NCOA2: variants seen among roughly 807,000 people sequenced by gnomAD.
NCOA2 encodes nuclear receptor coactivator 2, also known as class E basic helix-loop-helix protein 75.
A neutral mutation model predicts 145.1 loss-of-function variants in NCOA2; 21 were observed. The observed-to-expected ratio is 0.14, with a 90% CI of 0.10 to 0.21. The LOEUF is 0.21. Ranked by LOEUF, NCOA2 falls within the 10% of genes least tolerant of loss-of-function variation. The pLI, the probability that NCOA2 is intolerant of heterozygous loss-of-function variation, is 1.00. For missense variants in NCOA2, 1,472 were observed against 1,837.6 expected (o/e 0.80, Z 3.64); for synonymous variants, 619 against 637.5 (o/e 0.97, Z 0.44).
At chr8:70,250,382 G>C (rs915235260) in intron 2 of NCOA2, among the ~76,000 whole-genome samples, 1 of 119,040 alleles carries the variant, frequency 8.4e-6, no homozygotes, top group Non-Finnish European at 1.7e-5. Flanking sequence ...GACAGAGTGA[G>C]ACCCTGTCTC....
At chr8:70,210,750 T>C (rs1375861585) in intron 4 of NCOA2, among the ~76,000 whole-genome samples, 1 of 152,202 alleles carries the variant, frequency 6.6e-6, no homozygotes, top group African/African-American at 2.4e-5. Flanking sequence ...CTTCTGACAC[T>C]GGAGCAGGGT....
intron 2 of NCOA2, among the ~76,000 whole-genome samples, chr8:70,251,325 G>A (rs554480616): frequency 7.0e-4 from 106 of 152,292 alleles, no homozygotes; most frequent in African/African-American, 2.5e-3. Context: ...GAGGGCTGAG[G>A]AGAAGGACTA....
chr8:70,224,874 T>C (rs1820473994), intron 2 of NCOA2, among the ~76,000 whole-genome samples: 1 of 151,992 alleles, frequency 6.6e-6, no homozygotes, highest in South Asian at 2.1e-4. Flanking sequence ...TTGGTAGGCA[T>C]ACAATATCAT....
chr8:70,192,509 C>T lies in NCOA2; in HGVS notation c.260-17650G>A, dbSNP rs975421247. Among the ~76,000 whole-genome samples the T allele has an allele frequency of 3.3e-5, 5 of 152,254 alleles. No individual in the cohort carries two copies. The East Asian group carries it at 5.8e-4, about 18-fold the overall frequency. ...TGTGACTGGACAACCCCACCACCCA[C>T]GGGCCTGCCCCTCTGCTCCTAAGAG... On this transcript the variant is annotated intron_variant, in intron 4 of 22. Transcript: ENST00000452400.
At chr8:70,128,395 G>A in intron 18 of NCOA2, 38 bp downstream of exon 18, 3 of 1,545,368 alleles carry the variant, frequency 1.9e-6, no homozygotes, top group Non-Finnish European at 2.7e-6. Flanking sequence ...GCAGCTGCAT[G>A]CATACAATGA....
chr8:70,316,004 G>A (rs1015034037), intron 1 of NCOA2, among the ~76,000 whole-genome samples: 102 of 152,138 alleles, frequency 6.7e-4, no homozygotes, highest in Admixed American at 6.7e-3. Context: ...AATTCCTAAA[G>A]GAACACTGCT....
At chr8:70,454,372 G>A in the NCOA2 span, among the ~76,000 whole-genome samples, 1 of 152,196 alleles carries the variant, frequency 6.6e-6, no homozygotes, top group African/African-American at 2.4e-5. Flanking sequence ...TAGCAATTGT[G>A]CAAAGAACGG....
chr8:70,454,009 A>T, the NCOA2 span, among the ~76,000 whole-genome samples: 185 of 152,350 alleles, frequency 1.2e-3, no homozygotes, highest in African/African-American at 4.3e-3. Context: ...AGTAACTCTC[A>T]TTTTGACAAA....
chr8:70,413,383 T>G, the NCOA2 span, among the ~76,000 whole-genome samples: 3 of 152,200 alleles, frequency 2.0e-5, no homozygotes, highest in African/African-American at 7.2e-5. Flanking sequence ...CCTACATTTT[T>G]AAGATTCCAT....
chr8:70,244,523 C>T (rs1211007219), intron 2 of NCOA2, among the ~76,000 whole-genome samples: 1 of 151,876 alleles, frequency 6.6e-6, no homozygotes, highest in Non-Finnish European at 1.5e-5. Context: ...TGAATCAAGG[C>T]CTCCACCAAA....
chr8:70,124,705 C>T lies in NCOA2; in HGVS notation c.4077G>A (p.Gly1359=), dbSNP rs111988675. The change falls in exon 20 of 23, where the codon GGG becomes GGA. Residue 1359 remains glycine, a synonymous_variant. Coordinates refer to ENST00000452400, the MANE Select transcript of NCOA2 (RefSeq NM_006540.4). ...GCGGTTACCTGTTTCCGCCCATGTT[C>T]CCCTGCGCCCATCCATTTATGTCGG... ...APSDINGWAQ[G]NMGGNSMFSQ... 3.7e-5 allele frequency: 60 copies of T among 1,609,470 alleles called. 1 individual carries two copies. In the African/African-American group the frequency reaches 5.0e-4, roughly 13 times the overall value.
At chr8:70,166,868 T>C (rs1813675046) in intron 6 of NCOA2, 114 bp from the exon 7 acceptor site, 1 of 952,728 alleles carries the variant, frequency 1.0e-6, no homozygotes, top group African/African-American at 1.6e-5. Flanking sequence ...TATGTACTAC[T>C]TTTATACTTG....
chr8:70,408,742 G>C (rs1213139220), upstream of NCOA2, among the ~76,000 whole-genome samples: 1 of 149,302 alleles, frequency 6.7e-6, no homozygotes, highest in African/African-American at 2.5e-5. Context: ...CTCCCTAATA[G>C]TCAGGAATAC....
chr8:70,360,913 G>A (rs1056185096), intron 1 of NCOA2, among the ~76,000 whole-genome samples: 26 of 150,318 alleles, frequency 1.7e-4, no homozygotes, highest in Non-Finnish European at 2.8e-4. Context: ...ACTCCAGCCT[G>A]GGTGACAGAG....
chr8:70,325,707 A>G (rs1806496567), intron 1 of NCOA2, among the ~76,000 whole-genome samples: 1 of 152,194 alleles, frequency 6.6e-6, no homozygotes, highest in South Asian at 2.1e-4. Context: ...CTGGCTGAAA[A>G]TAACATCTTA....
At chr8:70,306,768 A>G (rs148141600) in intron 1 of NCOA2, among the ~76,000 whole-genome samples, 6 of 152,268 alleles carry the variant, frequency 3.9e-5, no homozygotes, top group Admixed American at 2.0e-4. Context: ...AGTCCCAGCT[A>G]CTTGAGGGGC....
At chr8:70,432,769 C>A in the NCOA2 span, among the ~76,000 whole-genome samples, 1 of 152,018 alleles carries the variant, frequency 6.6e-6, no homozygotes, top group Non-Finnish European at 1.5e-5. Context: ...AATAAAAATT[C>A]TTTTTAATGG....
chr8:70,292,111 T>C (rs1826739760), intron 2 of NCOA2, among the ~76,000 whole-genome samples: 2 of 150,974 alleles, frequency 1.3e-5, no homozygotes, highest in Non-Finnish European at 3.0e-5. Context: ...GGGAGACATA[T>C]AATTCAGAAA....
chr8:70,167,280 T>C (rs1226752950), intron 6 of NCOA2, among the ~76,000 whole-genome samples: 2 of 152,302 alleles, frequency 1.3e-5, no homozygotes, highest in East Asian at 3.9e-4. Flanking sequence ...TGAAGTCCAT[T>C]AACACAGACT....
Sources: gnomAD v4.1 joint callset for allele counts (sites outside exome capture counted in the v4.1 genomes callset) on GRCh38, gnomAD v4.1.1 for gene constraint, MANE v1.5 for transcripts, NCBI Gene and HGNC (gene_info 2026-07-23, HGNC 2026-07-21) for gene names.